Variants in ADAM32 observed in about 807,000 individuals in gnomAD.
ADAM32 encodes the protein disintegrin and metalloproteinase domain-containing protein 32.
Under a neutral mutation model 114.9 loss-of-function variants are expected in ADAM32, and 89 were observed. The observed-to-expected ratio is 0.77, with a 90% CI of 0.65 to 0.92. The LOEUF (loss-of-function observed/expected upper bound fraction) is 0.92, where lower values mean the gene tolerates loss of function less well. Among genes scored for constraint, ADAM32 ranks in the 40% least tolerant of loss-of-function variants. The probability of loss-of-function intolerance (pLI) is 0.00; values close to 1 mark genes in which losing one functional copy is unlikely to be tolerated. For missense variants in ADAM32, 870 were observed against 932.8 expected, an observed-to-expected ratio of 0.93 and a Z score of 0.88; for synonymous variants, 285 against 307.5, an observed-to-expected ratio of 0.93 and a Z score of 0.77.
At chr8:39,222,977 A>C in intron 13 of ADAM32, 63 bp from the exon 14 acceptor site, 1 of 1,367,642 alleles carries the variant, frequency 7.3e-7, no homozygotes, top group Non-Finnish European at 9.8e-7. Context: ...ATTTTGAAGT[A>C]AATATTAACA....
chr8:39,231,890 C>A, intron 14 of ADAM32, 137 bp from the exon 15 acceptor site: 1 of 702,784 alleles, frequency 1.4e-6, no homozygotes. Flanking sequence ...ACTTTTTATT[C>A]TTTCCTTACA....
At chr8:39,273,338 T>C (rs1342203347) in intron 20 of ADAM32, among the ~76,000 whole-genome samples, 2 of 151,866 alleles carry the variant, frequency 1.3e-5, no homozygotes, top group African/African-American at 4.8e-5. Context: ...AAACCCCGTC[T>C]CTACTAAAAA....
chr8:39,268,964 G>A (rs1164370552), intron 19 of ADAM32, among the ~76,000 whole-genome samples: 1 of 152,148 alleles, frequency 6.6e-6, no homozygotes, highest in Non-Finnish European at 1.5e-5. Flanking sequence ...GTCCTTCTGT[G>A]AGCACAAGAA....
At position 39,213,422 on chromosome 8, in the gene ADAM32, A is replaced by ACT. The variant is rs765465123; in HGVS notation, c.1233+2098_1233+2099insCT. Among the ~76,000 whole-genome samples, 857 of 152,214 alleles carry ACT rather than the reference A, an allele frequency of 5.6e-3. 4 individuals carry two copies. Among genetic ancestry groups the ACT allele is most frequent in the Admixed American group, 9.2e-3 (141 of 15,282 alleles). On this transcript the variant is annotated intron_variant, in intron 12 of 24. Coordinates refer to ENST00000379907, the MANE Select transcript of ADAM32 (RefSeq NM_145004.7). Reference sequence around the variant, plus strand: ...TACTGTACTATTGAGTGCTAGCACTAATCCCTTCCATTTACCTGTATTTTA... The same window carrying ACT: ...TACTGTACTATTGAGTGCTAGCACTACTATCCCTTCCATTTACCTGTATTTTA...
At chr8:39,130,664 G>C (rs987567540) in intron 2 of ADAM32, among the ~76,000 whole-genome samples, 1 of 152,048 alleles carries the variant, frequency 6.6e-6, no homozygotes, top group African/African-American at 2.4e-5. Flanking sequence ...GGGTTATTTA[G>C]AAGTGTGTTT....
At chr8:39,243,964 A>C (rs779245721) in intron 16 of ADAM32, among the ~76,000 whole-genome samples, 27 of 152,188 alleles carry the variant, frequency 1.8e-4, no homozygotes, top group Non-Finnish European at 1.8e-4. Flanking sequence ...ATGTACACAA[A>C]TCAGTAGCAT....
chr8:39,201,451 T>A (rs1164470912), intron 11 of ADAM32, among the ~76,000 whole-genome samples: 2 of 151,716 alleles, frequency 1.3e-5, no homozygotes, highest in African/African-American at 2.4e-5. Flanking sequence ...TATATAGGAA[T>A]GCTTGTGATT....
chr8:39,203,517 A>G (rs931633393), intron 11 of ADAM32, among the ~76,000 whole-genome samples: 1 of 152,100 alleles, frequency 6.6e-6, no homozygotes, highest in Non-Finnish European at 1.5e-5. Context: ...TTTTGAGCCT[A>G]TGTGTGTCTC....
chr8:39,133,597 G>A (rs1437604636), intron 2 of ADAM32, among the ~76,000 whole-genome samples: 4 of 152,214 alleles, frequency 2.6e-5, no homozygotes, highest in Non-Finnish European at 5.9e-5. Flanking sequence ...GTCTGGTGGT[G>A]CATGTGAACA....
chr8:39,189,172 C>T (rs1273619641), intron 11 of ADAM32, among the ~76,000 whole-genome samples: 2 of 152,224 alleles, frequency 1.3e-5, no homozygotes, highest in East Asian at 3.9e-4. Flanking sequence ...GGTAGATAGG[C>T]ATTATCCCTA....
At chr8:39,188,834 A>G (rs1806414450) in intron 11 of ADAM32, among the ~76,000 whole-genome samples, 1 of 152,142 alleles carries the variant, frequency 6.6e-6, no homozygotes, top group Admixed American at 6.5e-5. Context: ...TGAGTAGAGT[A>G]TTATATTAAT....
chr8:39,274,349 CA>C lies in ADAM32; in HGVS notation c.2240del (p.Thr748ProfsTer?). ...SEGSTQTYAS[Q>X]TRSESSSQAD... The stretch of plus-strand genomic sequence containing the variant: ...AGGCAGCACTCAGACATATGCCAGC[CA>C]GTAAGTAGGTTAGAAGAGGTTTTTA... On this transcript the variant is annotated frameshift_variant and splice_region_variant, in exon 21 of 25. Coordinates refer to ENST00000379907, the MANE Select transcript of ADAM32 (RefSeq NM_145004.7). LOFTEE classifies it high-confidence loss of function. 3 of 1,612,856 alleles carry C rather than the reference CA, an allele frequency of 1.9e-6. No individual in the cohort carries two copies. Among genetic ancestry groups the C allele is most frequent in the Admixed American group, 3.3e-5 (2 of 59,972 alleles).
intron 17 of ADAM32, among the ~76,000 whole-genome samples, chr8:39,249,941 A>G (rs145582740): frequency 7.6e-4 from 115 of 152,244 alleles, no homozygotes; most frequent in Admixed American, 1.9e-3. Context: ...GAAGTCCAGT[A>G]TAATTTTTAT....
rs760126672 is a variant in ADAM32 at position 39,232,027 on chromosome 8, G to C, written c.1526G>C (p.Gly509Ala). The change falls in exon 15 of 25, where the codon GGT becomes GCT. Residue 509 changes from glycine (G) to alanine (A), a missense_variant and splice_region_variant. Transcript: ENST00000379907. Reference protein sequence around the residue: ...DARCESVFGKGSRNAPFACYE... With the variant: ...DARCESVFGKASRNAPFACYE... ...CCAAATGTATTTCTAACTTTAACAG[G>C]TTCAAGAAATGCTCCATTTGCCTGC... 2 of 1,606,556 alleles carry C rather than the reference G, an allele frequency of 1.2e-6. No homozygotes were observed. Among genetic ancestry groups the C allele is most frequent in the Non-Finnish European group, 1.7e-6 (2 of 1,175,410 alleles).
chr8:39,254,298 CTG>C lies in ADAM32; in HGVS notation c.1903-114_1903-113del, dbSNP rs71966797. ...GAAACCAAACATTTGATATGTGAGA[CTG>C]TCGCTCTAAATAAACAAAATTACAC... On this transcript the variant is annotated intron_variant, in intron 17 of 24. Coordinates refer to ENST00000379907, the MANE Select transcript of ADAM32 (RefSeq NM_145004.7). 0.026 allele frequency: 17,605 copies of C among 687,098 alleles called. 2,428 individuals carry two copies. In the African/African-American group the frequency reaches 0.3, roughly 12 times the overall value. The allele number at this position is 687,098 out of a possible 1,614,324, so 42.6% of individuals were successfully genotyped here.
At chr8:39,244,052 C>G (rs1246789630) in intron 16 of ADAM32, among the ~76,000 whole-genome samples, 1 of 151,906 alleles carries the variant, frequency 6.6e-6, no homozygotes, top group Non-Finnish European at 1.5e-5. Context: ...AACAAAACCC[C>G]CCAATATACT....
At position 39,151,629 on chromosome 8, in the gene ADAM32, C is replaced by T. The variant is rs1013326238; in HGVS notation, c.525+81C>T. The T allele has an allele frequency of 9.6e-6, 10 of 1,040,008 alleles. No individual in the cohort carries two copies. In the African/African-American group the frequency reaches 1.5e-4, roughly 16 times the overall value. The allele number at this position is 1,040,008 out of a possible 1,614,324, so 64.4% of individuals were successfully genotyped here. On this transcript the variant is annotated intron_variant, in intron 6 of 24. Transcript: ENST00000379907. The stretch of plus-strand genomic sequence containing the variant: ...TTATTTAAAAAATAAATTTATAAGC[C>T]CACTGTAGAATTGTAGCAAATATCC...
intron 7 of ADAM32, among the ~76,000 whole-genome samples, chr8:39,162,070 T>C: frequency 2.7e-5 from 4 of 150,828 alleles, no homozygotes; most frequent in Admixed American, 6.6e-5. Flanking sequence ...TGCAGGTTTG[T>C]CACATATGTA....
At chr8:39,258,973 C>T (rs961473799) in intron 19 of ADAM32, among the ~76,000 whole-genome samples, 10 of 152,002 alleles carry the variant, frequency 6.6e-5, no homozygotes, top group Non-Finnish European at 8.8e-5. Context: ...TTAAAAATGA[C>T]GTTTACCTGG....
Sources: allele counts gnomAD v4.1 joint callset (sites outside exome capture counted in the v4.1 genomes callset), GRCh38; gene constraint gnomAD v4.1.1; transcripts MANE v1.5; gene names NCBI Gene and HGNC (gene_info 2026-07-23, HGNC 2026-07-21).